The following LHFPL3 variants were observed in gnomAD, a reference collection of about 807,000 sequenced individuals.
The protein encoded by LHFPL3 is LHFPL tetraspan subfamily member 3.
Under a neutral mutation model 19.3 loss-of-function variants are expected in LHFPL3, and 5 were observed. The observed-to-expected ratio is 0.26, with a 90% CI of 0.14 to 0.54. LHFPL3 has a LOEUF of 0.54. Ranked by LOEUF, LHFPL3 falls within the 20% of genes least tolerant of loss-of-function variation. LHFPL3 has a pLI of 0.94. For synonymous variants in LHFPL3, 133 were observed against 126.2 expected, an observed-to-expected ratio of 1.05 and a Z score of -0.36; for missense variants, 249 against 307.4, an observed-to-expected ratio of 0.81 and a Z score of 1.42.
At chr7:104,336,923 G>A (rs1789820448) in intron 1 of LHFPL3, among the ~76,000 whole-genome samples, 1 of 152,138 alleles carries the variant, frequency 6.6e-6, no homozygotes, top group Non-Finnish European at 1.5e-5. Flanking sequence ...AATAATCAAG[G>A]GGGTTCTCCA....
intron 1 of LHFPL3, among the ~76,000 whole-genome samples, chr7:104,671,583 A>AAAAAG (rs1554422929): frequency 3.2e-4 from 48 of 150,414 alleles, no homozygotes; most frequent in African/African-American, 8.3e-4. Flanking sequence ...AAAAAAAAAA[A>AAAAAG]AAAGAAAGAA....
At chr7:104,495,807 G>C (rs1169160909) in intron 1 of LHFPL3, among the ~76,000 whole-genome samples, 1 of 152,092 alleles carries the variant, frequency 6.6e-6, no homozygotes, top group Non-Finnish European at 1.5e-5. Context: ...ACAGGTGTGA[G>C]CCACCACACC....
At chr7:104,448,553 C>G (rs1268672819) in intron 1 of LHFPL3, among the ~76,000 whole-genome samples, 1 of 152,186 alleles carries the variant, frequency 6.6e-6, no homozygotes, top group African/African-American at 2.4e-5. Flanking sequence ...CAATCCACAG[C>G]ATTCAGCTAA....
chr7:104,799,492 A>ATGC, intron 2 of LHFPL3: 1 of 152,452 alleles, frequency 6.6e-6, no homozygotes, highest in East Asian at 1.9e-4. Context: ...AGGAAAGGTG[A>ATGC]AGCACCAGCA....
intron 1 of LHFPL3, among the ~76,000 whole-genome samples, chr7:104,353,074 G>T (rs1156609438): frequency 6.6e-6 from 1 of 152,168 alleles, no homozygotes; most frequent in Non-Finnish European, 1.5e-5. Flanking sequence ...AAATTTACTG[G>T]TTTTTGTTTG....
chr7:104,457,189 T>C (rs1792560913), intron 1 of LHFPL3, among the ~76,000 whole-genome samples: 2 of 152,104 alleles, frequency 1.3e-5, no homozygotes, highest in South Asian at 4.2e-4. Context: ...TACATATGTA[T>C]ACATGTGCCA....
At chr7:104,587,796 T>A (rs1457906710) in intron 1 of LHFPL3, among the ~76,000 whole-genome samples, 1 of 152,144 alleles carries the variant, frequency 6.6e-6, no homozygotes, top group Non-Finnish European at 1.5e-5. Flanking sequence ...TTCCTGACTT[T>A]TTAATGATCG....
Position 104,734,654 on chromosome 7 carries a change from A to G in LHFPL3, c.446-2021A>G, listed in dbSNP as rs148052233. Among the ~76,000 whole-genome samples, 21 of 152,264 alleles carry G rather than the reference A, an allele frequency of 1.4e-4. No homozygotes were observed. The East Asian group carries it at 3.3e-3, about 24-fold the overall frequency. On this transcript the variant is annotated intron_variant, in intron 1 of 2. Transcript: ENST00000424859. ...TTTCAAGGTTTTTAACTTCTTTGCC[A>G]TGGGTTCAAACTTCCTCTTTAGCTC...
At chr7:104,458,333 T>C (rs937050268) in intron 1 of LHFPL3, among the ~76,000 whole-genome samples, 2 of 152,250 alleles carry the variant, frequency 1.3e-5, no homozygotes, top group Admixed American at 6.5e-5. Context: ...TTTCTACATG[T>C]GGCTAGCCAG....
intron 1 of LHFPL3, among the ~76,000 whole-genome samples, chr7:104,606,944 C>T (rs1303395546): frequency 6.6e-6 from 1 of 151,942 alleles, no homozygotes; most frequent in Admixed American, 6.5e-5. Context: ...GTTAGAAAAA[C>T]ACTTCAAAAC....
At chr7:104,731,060 G>A (rs1304969562) in intron 1 of LHFPL3, among the ~76,000 whole-genome samples, 1 of 152,128 alleles carries the variant, frequency 6.6e-6, no homozygotes, top group African/African-American at 2.4e-5. Flanking sequence ...AGTTGTAGAT[G>A]TGTGGTATTA....
At chr7:104,682,528 T>C (rs13229336) in intron 1 of LHFPL3, among the ~76,000 whole-genome samples, 1 of 152,218 alleles carries the variant, frequency 6.6e-6, no homozygotes, top group African/African-American at 2.4e-5. Context: ...TGAAATGCTG[T>C]TCCTTACTCC....
At chr7:104,778,200 G>A (rs139297407) in intron 2 of LHFPL3, among the ~76,000 whole-genome samples, 8 of 152,274 alleles carry the variant, frequency 5.3e-5, no homozygotes, top group Non-Finnish European at 1.0e-4. Context: ...GATTGAGTGC[G>A]ATTTAGATTT....
At chr7:104,465,517 G>A (rs1365473107) in intron 1 of LHFPL3, among the ~76,000 whole-genome samples, 3 of 152,194 alleles carry the variant, frequency 2.0e-5, no homozygotes, top group Non-Finnish European at 4.4e-5. Context: ...AGATTTAACT[G>A]ACTCACAGTT....
At chr7:104,380,157 G>C (rs1159662526) in intron 1 of LHFPL3, among the ~76,000 whole-genome samples, 1 of 151,966 alleles carries the variant, frequency 6.6e-6, no homozygotes, top group Non-Finnish European at 1.5e-5. Context: ...TAATCCCTAG[G>C]TTTCTCCAGT....
chr7:104,720,084 G>A (rs1793459102), intron 1 of LHFPL3, among the ~76,000 whole-genome samples: 1 of 152,052 alleles, frequency 6.6e-6, no homozygotes, highest in Non-Finnish European at 1.5e-5. Flanking sequence ...TTAGCCAAAA[G>A]GACTTACTAG....
intron 1 of LHFPL3, among the ~76,000 whole-genome samples, chr7:104,452,233 G>A (rs556005112): frequency 3.3e-5 from 5 of 152,098 alleles, no homozygotes; most frequent in Non-Finnish European, 7.3e-5. Context: ...TTTACTCAAA[G>A]TAAGGGATGG....
chr7:104,486,371 C>T (rs1216294162), intron 1 of LHFPL3, among the ~76,000 whole-genome samples: 3 of 152,162 alleles, frequency 2.0e-5, no homozygotes, highest in Non-Finnish European at 4.4e-5. Flanking sequence ...AACAGAAATA[C>T]TATAAACTAG....
chr7:104,603,122 CTTTCTTTCTTTT>C (rs1272273216), intron 1 of LHFPL3, among the ~76,000 whole-genome samples: 15 of 120,114 alleles, frequency 1.2e-4, no homozygotes, highest in Admixed American at 3.4e-4. Context: ...TTCTTTCTTT[CTTTCTTTCTTTT>C]TTCCCTTCCT....
Sources: gnomAD v4.1 joint callset for allele counts (sites outside exome capture counted in the v4.1 genomes callset) on GRCh38, gnomAD v4.1.1 for gene constraint, MANE v1.5 for transcripts, NCBI Gene and HGNC (gene_info 2026-07-23, HGNC 2026-07-21) for gene names.